BEAN1: variants seen among roughly 807,000 people sequenced by gnomAD.
BEAN1 encodes the protein protein BEAN1.
In BEAN1, 17 loss-of-function variants were observed where a neutral mutation model predicts 17.7. The ratio of observed to expected loss-of-function variants is 0.96; its 90% CI spans 0.66 to 1.44. The LOEUF is 1.44. Among genes scored for constraint, BEAN1 ranks in the 40% most tolerant of loss-of-function variants. The pLI is 0.00. For synonymous variants in BEAN1, 142 were observed against 151.8 expected, an observed-to-expected ratio of 0.94 and a Z score of 0.47; for missense variants, 359 against 374.1, an observed-to-expected ratio of 0.96 and a Z score of 0.33.
In BEAN1 at chr16:66,447,496, G is replaced by A. The variant is rs138435032; in HGVS notation, c.25+9795G>A. On this transcript the variant is annotated intron_variant, in intron 2 of 4. Transcript: ENST00000536005. ...TCAGAGTGTTTATCCTACAGTGACT[G>A]TTGCAGAACTAACTCAGTCTTCCCT... Among the ~76,000 whole-genome samples, 4 of 152,266 alleles carry A rather than the reference G, an allele frequency of 2.6e-5. No homozygotes were observed. The South Asian group carries it at 6.2e-4, about 24-fold the overall frequency.
downstream of BEAN1, chr16:66,485,002 G>A (rs902485513): frequency 3.1e-5 from 14 of 454,114 alleles, no homozygotes; most frequent in African/African-American, 2.8e-4. Context: ...CCATCATTGG[G>A]TCCCCGTGTA....
chr16:66,474,580 GA>G (rs1452033293), intron 3 of BEAN1, among the ~76,000 whole-genome samples: 23 of 46,826 alleles, frequency 4.9e-4, no homozygotes, highest in African/African-American at 1.6e-3. Flanking sequence ...GAGGGAGGGA[GA>G]GAGGGAGGGA....
intron 2 of BEAN1, chr16:66,451,013 A>G (rs1445699816): frequency 1.3e-5 from 2 of 153,164 alleles, no homozygotes; most frequent in Non-Finnish European, 2.9e-5. Flanking sequence ...CACAAGGCCT[A>G]GGTTTCAAAA....
intron 4 of BEAN1, among the ~76,000 whole-genome samples, chr16:66,479,814 A>G (rs1412623063): frequency 6.6e-6 from 1 of 152,108 alleles, no homozygotes; most frequent in African/African-American, 2.4e-5. Context: ...GCTTGTGGCC[A>G]GGAGGGCCCT....
At chr16:66,433,421 A>G (rs1042770516) in intron 1 of BEAN1, among the ~76,000 whole-genome samples, 1 of 152,118 alleles carries the variant, frequency 6.6e-6, no homozygotes. Flanking sequence ...CGAGACTTTC[A>G]ATAAACACTT....
chr16:66,461,387 C>T (rs1963076568), intron 2 of BEAN1, among the ~76,000 whole-genome samples: 1 of 152,176 alleles, frequency 6.6e-6, no homozygotes, highest in Non-Finnish European at 1.5e-5. Flanking sequence ...CCAGCTGGCT[C>T]CATCTTGCAG....
At chr16:66,478,731 G>A (rs1963867317) in intron 4 of BEAN1, among the ~76,000 whole-genome samples, 1 of 152,302 alleles carries the variant, frequency 6.6e-6, no homozygotes. Flanking sequence ...TTACTATTTC[G>A]AGGCCACAGG....
Position 66,451,757 on chromosome 16 carries a change from A to G in BEAN1, c.25+14056A>G, listed in dbSNP as rs964506917. Among the ~76,000 whole-genome samples, 3 of 152,240 alleles carry G rather than the reference A, an allele frequency of 2.0e-5. No individual in the cohort carries two copies. In the East Asian group the frequency reaches 5.8e-4, roughly 29 times the overall value. On this transcript the variant is annotated intron_variant, in intron 2 of 4. Transcript: ENST00000536005. Reference sequence around the variant, plus strand: ...TCTGACTTGCTCAGTGGGCACTGCCAGCAAGAGGCAGTGCCAGGACTTGAA... The same window carrying G: ...TCTGACTTGCTCAGTGGGCACTGCCGGCAAGAGGCAGTGCCAGGACTTGAA...
At chr16:66,449,521 C>A (rs56017699) in intron 2 of BEAN1, among the ~76,000 whole-genome samples, 1 of 141,712 alleles carries the variant, frequency 7.1e-6, no homozygotes. Context: ...GCAGGAGAAT[C>A]TCTTGAACCC....
At chr16:66,485,201 C>A, downstream of BEAN1, 1 of 423,052 alleles carries the variant, frequency 2.4e-6, no homozygotes, top group Non-Finnish European at 4.8e-6. Flanking sequence ...TGGGGCCCCT[C>A]CCAAGTTCCT....
At chr16:66,446,955 C>G (rs1962479185) in intron 2 of BEAN1, among the ~76,000 whole-genome samples, 1 of 152,124 alleles carries the variant, frequency 6.6e-6, no homozygotes. Context: ...AAGCATGCAG[C>G]CTGCATGCTT....
At chr16:66,464,532 C>T (rs755226681) in intron 2 of BEAN1, among the ~76,000 whole-genome samples, 5 of 152,040 alleles carry the variant, frequency 3.3e-5, no homozygotes, top group Non-Finnish European at 2.9e-5. Flanking sequence ...TTAGTAGAGA[C>T]GGATTTTACC....
chr16:66,460,524 C>T (rs369303143), intron 2 of BEAN1, among the ~76,000 whole-genome samples: 1 of 152,228 alleles, frequency 6.6e-6, no homozygotes, highest in African/African-American at 2.4e-5. Flanking sequence ...TGATTTGCTT[C>T]TCCCCAGGCA....
rs1473596200 is a variant in BEAN1, at chr16:66,473,629, T to C, written c.289+3764T>C. Among the ~76,000 whole-genome samples the C allele has an allele frequency of 6.6e-6, 1 of 151,936 alleles. No individual in the cohort carries two copies. The highest frequency in any genetic ancestry group is 2.4e-5 in the African/African-American group (1 of 41,322). On this transcript the variant is annotated intron_variant, in intron 3 of 4. Transcript: ENST00000536005. This position sits in a 1 kb window ranked among gnomAD's most constrained non-coding sequence, Gnocchi z 4.5. ...GGAGGATAGCTTGAGCTCAGGGGTT[T>C]CAGGCTGCAGTGAGCTACGATCACA...
At chr16:66,452,202 G>C (rs1962696781) in intron 2 of BEAN1, among the ~76,000 whole-genome samples, 1 of 152,116 alleles carries the variant, frequency 6.6e-6, no homozygotes, top group Non-Finnish European at 1.5e-5. Context: ...CTATTCTACT[G>C]GTTTCTCTCG....
intron 4 of BEAN1, among the ~76,000 whole-genome samples, chr16:66,478,475 G>A (rs955977494): frequency 6.6e-5 from 10 of 152,158 alleles, no homozygotes; most frequent in Non-Finnish European, 1.0e-4. Context: ...GGTGGCGGGC[G>A]CCTGTAGTCC....
At position 66,427,805 on chromosome 16, in the gene BEAN1, C is replaced by G. The variant is rs1961638575; in HGVS notation, c.-83+374C>G. Reference sequence around the variant, plus strand: ...AAGACAGCCTCCCCAGCAGCTTGCCCTCGGTTTCGGGGACCCCTGAACAAC... The same window carrying G: ...AAGACAGCCTCCCCAGCAGCTTGCCGTCGGTTTCGGGGACCCCTGAACAAC... On this transcript the variant is annotated intron_variant, in intron 1 of 4. Coordinates refer to ENST00000536005, the MANE Select transcript of BEAN1 (RefSeq NM_001178020.3). The surrounding 1 kb of genome is among the most constrained non-coding windows in gnomAD (Gnocchi z 4.7). 1 of 152,128 alleles carries G rather than the reference C, an allele frequency of 6.6e-6. No homozygotes were observed. The highest frequency in any genetic ancestry group is 1.5e-5 in the Non-Finnish European group (1 of 68,060). The allele number at this position is 152,128 out of a possible 1,614,324, so 9.4% of individuals were successfully genotyped here.
chr16:66,428,326 A>C (rs1394295099), intron 1 of BEAN1: 2 of 152,324 alleles, frequency 1.3e-5, no homozygotes, highest in African/African-American at 4.8e-5. Context: ...TGGGAAAGGG[A>C]GGGCGCAAGT....
At chr16:66,436,629 G>GA (rs1962035987) in intron 1 of BEAN1, among the ~76,000 whole-genome samples, 1 of 151,072 alleles carries the variant, frequency 6.6e-6, no homozygotes, top group Non-Finnish European at 1.5e-5. Flanking sequence ...AAGCTGGAGT[G>GA]CAGTGGTGTG....
Sources: allele counts gnomAD v4.1 joint callset (sites outside exome capture counted in the v4.1 genomes callset), GRCh38; gene constraint gnomAD v4.1.1; non-coding constraint Gnocchi (gnomAD v3.1); transcripts MANE v1.5; gene names NCBI Gene and HGNC (gene_info 2026-07-23, HGNC 2026-07-21).